The following MCU variants were observed in gnomAD, a reference collection of about 807,000 sequenced individuals.
MCU encodes the protein calcium uniporter protein, mitochondrial.
Under a neutral mutation model 45.2 loss-of-function variants are expected in MCU, and 12 were observed. The observed-to-expected ratio is 0.27, with a 90% confidence interval of 0.17 to 0.43. The LOEUF (loss-of-function observed/expected upper bound fraction) is 0.43. Among genes scored for constraint, MCU ranks in the 20% least tolerant of loss-of-function variants. The pLI is 1.00. For synonymous variants in MCU, 160 were observed against 165.1 expected (o/e 0.97, Z 0.24); for missense variants, 324 against 436.7 (o/e 0.74, Z 2.30).
intron 1 of MCU, among the ~76,000 whole-genome samples, chr10:72,752,099 A>G (rs1204047941): frequency 6.6e-6 from 1 of 152,086 alleles, no homozygotes; most frequent in Non-Finnish European, 1.5e-5. Flanking sequence ...TAGGCCTCCC[A>G]AAGTGCTGGG....
At chr10:72,839,794 A>G (rs1589489422) in intron 2 of MCU, among the ~76,000 whole-genome samples, 1 of 149,206 alleles carries the variant, frequency 6.7e-6, no homozygotes, top group African/African-American at 2.5e-5. Context: ...TCTACTAAGA[A>G]TACAAAAAAA....
intron 7 of MCU, among the ~76,000 whole-genome samples, chr10:72,885,247 A>T (rs1845760185): frequency 6.6e-6 from 1 of 152,210 alleles, no homozygotes; most frequent in South Asian, 2.1e-4. Context: ...TCGTTAGTCC[A>T]GCTCCTCCCG....
At chr10:72,833,150 A>G (rs1353979354) in intron 1 of MCU, among the ~76,000 whole-genome samples, 1 of 152,238 alleles carries the variant, frequency 6.6e-6, no homozygotes, top group Non-Finnish European at 1.5e-5. Context: ...ATCCAAATTC[A>G]TGTAATTATT....
At chr10:72,841,781 T>C (rs1845052098) in intron 2 of MCU, among the ~76,000 whole-genome samples, 1 of 152,220 alleles carries the variant, frequency 6.6e-6, no homozygotes, top group Admixed American at 6.5e-5. Context: ...CCTAAAAGTT[T>C]TGCCTGCTAC....
At chr10:72,710,366 T>C (rs2132659668) in intron 1 of MCU, among the ~76,000 whole-genome samples, 2 of 152,138 alleles carry the variant, frequency 1.3e-5, no homozygotes, top group Middle Eastern at 6.8e-3. Flanking sequence ...CTAAAATGGG[T>C]GTTCTTTGTA....
intron 1 of MCU, among the ~76,000 whole-genome samples, chr10:72,786,238 A>T (rs1308138064): frequency 6.6e-6 from 1 of 152,020 alleles, no homozygotes; most frequent in Non-Finnish European, 1.5e-5. Context: ...CTTGTGTTAT[A>T]CTTGAACACA....
chr10:72,798,893 C>T (rs564938559), intron 1 of MCU, among the ~76,000 whole-genome samples: 1 of 152,116 alleles, frequency 6.6e-6, no homozygotes, highest in East Asian at 1.9e-4. Context: ...ACCTAAGATT[C>T]TGTAATATAC....
intron 1 of MCU, among the ~76,000 whole-genome samples, chr10:72,828,031 T>C (rs897154629): frequency 6.6e-6 from 1 of 152,230 alleles, no homozygotes; most frequent in Non-Finnish European, 1.5e-5. Context: ...GAAGCTGTTA[T>C]AGGTGTGTCT....
In MCU at chr10:72,786,364, AGCTCTGTGT is replaced by A. The variant is rs540363169; in HGVS notation, c.151-47983_151-47975del. On this transcript the variant is annotated intron_variant, in intron 1 of 7. Coordinates refer to ENST00000373053, the MANE Select transcript of MCU (RefSeq NM_138357.3). ...TCAGATCCTGGCTGTGCTCATTCTT[AGCTCTGTGT>A]GCTCTGTGTGCCTCAGTTTTCTCAT... 2.8e-4 allele frequency among the ~76,000 whole-genome samples: 43 copies of A among 152,338 alleles called. No homozygotes were observed. In the South Asian group the frequency reaches 7.7e-3, roughly 27 times the overall value.
chr10:72,742,361 C>T (rs1480904064), intron 1 of MCU, among the ~76,000 whole-genome samples: 1 of 152,152 alleles, frequency 6.6e-6, no homozygotes, highest in Non-Finnish European at 1.5e-5. Flanking sequence ...GAACACGGGA[C>T]TGCACTCTGT....
intron 1 of MCU, among the ~76,000 whole-genome samples, chr10:72,833,851 C>G (rs1362052492): frequency 6.6e-6 from 1 of 152,128 alleles, no homozygotes; most frequent in Non-Finnish European, 1.5e-5. Flanking sequence ...GTGAGGTTGC[C>G]TCTCCAGGTT....
chr10:72,837,402 A>G (rs1844971083), intron 2 of MCU, among the ~76,000 whole-genome samples: 2 of 152,194 alleles, frequency 1.3e-5, no homozygotes, highest in African/African-American at 4.8e-5. Flanking sequence ...AAATGTTTAG[A>G]GTGTAAGCTT....
intron 1 of MCU, among the ~76,000 whole-genome samples, chr10:72,779,873 C>G (rs932190314): frequency 6.6e-6 from 1 of 152,086 alleles, no homozygotes; most frequent in Admixed American, 6.5e-5. Context: ...GTTTGTCTGC[C>G]TCTCAAAATG....
chr10:72,887,066 G>A lies in MCU; in HGVS notation c.*1244G>A, dbSNP rs1240901455. On this transcript the variant is annotated 3_prime_UTR_variant, in exon 8 of 8. Coordinates refer to ENST00000373053, the MANE Select transcript of MCU (RefSeq NM_138357.3). ...GACATCTGCGCTTGAAGAGTCAAAG[G>A]AATCTGTGTCTAATATCCTGTTTTT... 1 of 152,244 alleles carries A rather than the reference G, an allele frequency of 6.6e-6. No homozygotes were observed. The highest frequency in any genetic ancestry group is 2.4e-5 in the African/African-American group (1 of 41,402). 9.4% of individuals were successfully genotyped at this position (152,244 alleles called of 1,614,324 possible).
intron 1 of MCU, among the ~76,000 whole-genome samples, chr10:72,724,506 A>C (rs1371929227): frequency 6.6e-6 from 1 of 151,442 alleles, no homozygotes; most frequent in East Asian, 1.9e-4. Context: ...TTCTACCACC[A>C]CCCCCTCCCC....
At chr10:72,873,045 G>T (rs1845569998) in intron 6 of MCU, among the ~76,000 whole-genome samples, 1 of 120,332 alleles carries the variant, frequency 8.3e-6, no homozygotes, top group Non-Finnish European at 1.6e-5. Flanking sequence ...TTGAGATGGA[G>T]TCTCGCTCTA....
At chr10:72,784,205 TAA>T (rs1198490167) in intron 1 of MCU, among the ~76,000 whole-genome samples, 1 of 152,196 alleles carries the variant, frequency 6.6e-6, no homozygotes, top group African/African-American at 2.4e-5. Context: ...GAGAACAATA[TAA>T]AGAGTATGTA....
intron 3 of MCU, 75 bp downstream of exon 3, chr10:72,859,422 C>G (rs1011683168): frequency 3.2e-5 from 43 of 1,351,950 alleles, no homozygotes; most frequent in Non-Finnish European, 4.1e-5. Context: ...CATACATACA[C>G]CACACACGTA....
chr10:72,857,259 CA>C (rs1845308026), intron 2 of MCU, among the ~76,000 whole-genome samples: 1 of 148,026 alleles, frequency 6.8e-6, no homozygotes, highest in South Asian at 2.2e-4. Context: ...CTTTTTTTTT[CA>C]GACAGATTCT....
Sources: gnomAD v4.1 joint callset for allele counts (sites outside exome capture counted in the v4.1 genomes callset) on GRCh38, gnomAD v4.1.1 for gene constraint, MANE v1.5 for transcripts, NCBI Gene and HGNC (gene_info 2026-07-23, HGNC 2026-07-21) for gene names.